Variants in SPINK13 observed in about 807,000 individuals in gnomAD.
SPINK13 encodes serine protease inhibitor Kazal-type 13.
A neutral mutation model predicts 11.0 loss-of-function variants in SPINK13; 11 were observed. That is an observed-to-expected ratio of 1.00 (90% CI 0.63 to 1.65). The LOEUF (loss-of-function observed/expected upper bound fraction) is 1.65, where lower values mean the gene tolerates loss of function less well. Ranked by LOEUF, SPINK13 falls within the 40% of genes most tolerant of loss-of-function variation. The pLI is 0.00. For synonymous variants in SPINK13, 31 were observed against 35.6 expected, an observed-to-expected ratio of 0.87 and a Z score of 0.46; for missense variants, 113 against 117.7, an observed-to-expected ratio of 0.96 and a Z score of 0.19.
intron 3 of SPINK13, among the ~76,000 whole-genome samples, chr5:148,274,632 C>T (rs1380924232): frequency 6.6e-6 from 1 of 152,050 alleles, no homozygotes; most frequent in Admixed American, 6.6e-5. Context: ...CTGTAGCCAG[C>T]TACATGGGAG....
chr5:148,285,707 A>T (rs1405449934), intron 4 of SPINK13, among the ~76,000 whole-genome samples: 1 of 152,162 alleles, frequency 6.6e-6, no homozygotes, highest in Non-Finnish European at 1.5e-5. Context: ...GGTAAAAAAA[A>T]ATCTGGTATT....
At chr5:148,272,814 C>T (rs1374128917) in intron 2 of SPINK13, among the ~76,000 whole-genome samples, 1 of 152,144 alleles carries the variant, frequency 6.6e-6, no homozygotes, top group East Asian at 1.9e-4. Context: ...ATTAGTTGAA[C>T]TATATATTCT....
At chr5:148,272,679 C>G (rs1581164128) in intron 2 of SPINK13, among the ~76,000 whole-genome samples, 1 of 152,142 alleles carries the variant, frequency 6.6e-6, no homozygotes, top group Non-Finnish European at 1.5e-5. Flanking sequence ...GGATCCACAC[C>G]AGAAATCACA....
Position 148,277,048 on chromosome 5 carries a change from G to A in SPINK13, c.108+2664G>A, listed in dbSNP as rs532745376. ...ATTCTCTTTTTAGCAATTGTGAATG[G>A]GAGTTCACTCATGATTTGGCTCTCT... On this transcript the variant is annotated intron_variant, in intron 3 of 4. Transcript: ENST00000398450. Among the ~76,000 whole-genome samples the A allele has an allele frequency of 2.0e-5, 3 of 152,220 alleles. No individual in the cohort carries two copies. The East Asian group carries it at 5.8e-4, about 29-fold the overall frequency.
In SPINK13 at chr5:148,275,788, G is replaced by A. The variant is rs184632766; in HGVS notation, c.108+1404G>A. Among the ~76,000 whole-genome samples the A allele has an allele frequency of 1.3e-3, 196 of 151,914 alleles. 1 individual carries two copies. The highest frequency in any genetic ancestry group is 4.8e-3 in the Admixed American group (74 of 15,258). ...CCATTCTCCTGCCTCAGCCTCCCGA[G>A]TAGCTGGGACTACAGGCACCCGCCA... On this transcript the variant is annotated intron_variant, in intron 3 of 4. Transcript: ENST00000398450.
intron 3 of SPINK13, among the ~76,000 whole-genome samples, chr5:148,275,860 A>C (rs978983328): frequency 6.6e-6 from 1 of 151,810 alleles, no homozygotes; most frequent in African/African-American, 2.4e-5. Flanking sequence ...ACGGGGTTTC[A>C]CCATGTTAGC....
chr5:148,274,908 G>A (rs143363397), intron 3 of SPINK13, among the ~76,000 whole-genome samples: 1 of 152,260 alleles, frequency 6.6e-6, no homozygotes, highest in East Asian at 1.9e-4. Flanking sequence ...AAGATATTGA[G>A]TAAATATATC....
chr5:148,270,507 T>C (rs1756335041), intron 2 of SPINK13, among the ~76,000 whole-genome samples: 1 of 152,156 alleles, frequency 6.6e-6, no homozygotes, highest in Non-Finnish European at 1.5e-5. Context: ...TAATGAAAAA[T>C]AAGCCAATGA....
chr5:148,278,092 T>G (rs978424014), intron 3 of SPINK13, among the ~76,000 whole-genome samples: 2 of 152,236 alleles, frequency 1.3e-5, no homozygotes, highest in African/African-American at 4.8e-5. Context: ...TGATGGTAGT[T>G]TGTATTCTGG....
intron 3 of SPINK13, 21 bp from the exon 4 acceptor site, chr5:148,282,083 T>C (rs376441531): frequency 1.1e-5 from 17 of 1,613,446 alleles, no homozygotes; most frequent in African/African-American, 4.0e-5. Flanking sequence ...TTTGTCACTT[T>C]ATGGTGTCAT....
In SPINK13 at chr5:148,270,109, G is replaced by C; in HGVS notation, c.37G>C (p.Val13Leu). The change falls in exon 2 of 5, where the codon GTA becomes CTA. Residue 13 changes from valine (V) to leucine (L), a missense_variant. Val to Leu is a conservative substitution (Grantham distance 32). Transcript: ENST00000398450. ...AFPHKIIFFL[V>L]CSTLTHVAFS... ...TCCCCACAAGATTATATTTTTCCTGGTATGCTCTACTTTGACACATGTGGC... is the reference window on the plus strand; with the variant it reads ...TCCCCACAAGATTATATTTTTCCTGCTATGCTCTACTTTGACACATGTGGC... 1.9e-6 allele frequency: 3 copies of C among 1,614,040 alleles called. No individual in the cohort carries two copies. The highest frequency in any genetic ancestry group is 2.5e-6 in the Non-Finnish European group (3 of 1,179,952).
intron 3 of SPINK13, among the ~76,000 whole-genome samples, chr5:148,280,484 TC>T (rs746346354): frequency 2.0e-5 from 3 of 152,316 alleles, no homozygotes; most frequent in Admixed American, 6.5e-5. Context: ...GGTCATCCTT[TC>T]TGTTGATGTT....
At chr5:148,278,573 T>C (rs996018426) in intron 3 of SPINK13, among the ~76,000 whole-genome samples, 2 of 152,194 alleles carry the variant, frequency 1.3e-5, no homozygotes, top group Admixed American at 1.3e-4. Context: ...CATGTAGTTG[T>C]GCAGTTTTGA....
intron 3 of SPINK13, among the ~76,000 whole-genome samples, chr5:148,281,278 TC>T (rs1756510475): frequency 6.6e-6 from 1 of 152,002 alleles, no homozygotes; most frequent in Admixed American, 6.6e-5. Flanking sequence ...CAGCCCCCTT[TC>T]CAGGTGAGTG....
intron 4 of SPINK13, among the ~76,000 whole-genome samples, chr5:148,285,418 G>A (rs1756575614): frequency 6.6e-6 from 1 of 152,148 alleles, no homozygotes; most frequent in African/African-American, 2.4e-5. Flanking sequence ...TCTACACAGT[G>A]CCAACTGTTT....
intron 3 of SPINK13, among the ~76,000 whole-genome samples, chr5:148,281,833 T>C (rs1756520800): frequency 1.3e-5 from 2 of 152,154 alleles, no homozygotes; most frequent in South Asian, 4.1e-4. Flanking sequence ...CATAAGTATC[T>C]CCACTCATAA....
At chr5:148,277,664 T>C (rs1445773223) in intron 3 of SPINK13, among the ~76,000 whole-genome samples, 1 of 152,254 alleles carries the variant, frequency 6.6e-6, no homozygotes, top group Admixed American at 6.5e-5. Context: ...TATGTGCTGC[T>C]GGATTCAGTT....
intron 3 of SPINK13, among the ~76,000 whole-genome samples, chr5:148,280,256 T>A (rs970565899): frequency 5.3e-5 from 8 of 152,178 alleles, no homozygotes; most frequent in African/African-American, 1.9e-4. Flanking sequence ...AGAAGCTTGT[T>A]ATTACCCACC....
At chr5:148,272,804 A>G (rs1756370157) in intron 2 of SPINK13, among the ~76,000 whole-genome samples, 1 of 152,234 alleles carries the variant, frequency 6.6e-6, no homozygotes. Flanking sequence ...CTTTGAATCT[A>G]TTAGTTGAAC....
Sources: allele counts gnomAD v4.1 joint callset (sites outside exome capture counted in the v4.1 genomes callset), GRCh38; gene constraint gnomAD v4.1.1; transcripts MANE v1.5; gene names NCBI Gene and HGNC (gene_info 2026-07-23, HGNC 2026-07-21).